Variants in PIK3C2G observed in about 807,000 individuals in gnomAD.
The protein encoded by PIK3C2G is phosphatidylinositol 3-kinase C2 domain-containing subunit gamma.
In PIK3C2G, 168 loss-of-function variants were observed where a neutral mutation model predicts 181.1. The observed-to-expected ratio is 0.93, with a 90% CI of 0.82 to 1.05. The LOEUF (loss-of-function observed/expected upper bound fraction) is 1.05. PIK3C2G is among the 50% of genes least tolerant of loss of function. PIK3C2G has a pLI of 0.00. For missense variants in PIK3C2G, 1,869 were observed against 1,732.8 expected (o/e 1.08, Z -1.40); for synonymous variants, 573 against 592.2 (o/e 0.97, Z 0.47).
the PIK3C2G span, among the ~76,000 whole-genome samples, chr12:18,671,447 A>G: frequency 1.3e-5 from 2 of 152,156 alleles, no homozygotes; most frequent in Admixed American, 1.3e-4. Context: ...CTGCGTCAGC[A>G]TAATGCAGAA....
intron 18 of PIK3C2G, among the ~76,000 whole-genome samples, chr12:18,439,775 T>C (rs1946642979): frequency 6.6e-6 from 1 of 152,122 alleles, no homozygotes; most frequent in Non-Finnish European, 1.5e-5. Flanking sequence ...ACCACGTCAT[T>C]CTCCATATTG....
intron 18 of PIK3C2G, among the ~76,000 whole-genome samples, chr12:18,462,931 T>TA (rs1019295532): frequency 2.0e-5 from 3 of 148,912 alleles, no homozygotes; most frequent in Admixed American, 6.7e-5. Flanking sequence ...ACAAACATTT[T>TA]AAAAAAAATA....
chr12:18,676,244 CT>C, the PIK3C2G span, among the ~76,000 whole-genome samples: 1 of 152,112 alleles, frequency 6.6e-6, no homozygotes, highest in East Asian at 1.9e-4. Flanking sequence ...GGTCAAGCCT[CT>C]TTTGAGACCA....
At chr12:18,725,585 C>T in the PIK3C2G span, among the ~76,000 whole-genome samples, 1 of 152,100 alleles carries the variant, frequency 6.6e-6, no homozygotes. Context: ...TTAAAGTTCT[C>T]ACTGTACCTC....
At chr12:18,533,941 C>CTTTTT (rs542327503) in intron 24 of PIK3C2G, among the ~76,000 whole-genome samples, 230 of 91,490 alleles carry the variant, frequency 2.5e-3, no homozygotes, top group African/African-American at 3.5e-3. Flanking sequence ...CCTGCTATTT[C>CTTTTT]TTTTTTTTTT....
rs377277235 is a variant in PIK3C2G, at chr12:18,505,391, T to G, written c.3253T>G (p.Ser1085Ala). The G allele has an allele frequency of 1.1e-5, 18 of 1,613,448 alleles. No individual in the cohort carries two copies. Among genetic ancestry groups the G allele is most frequent in the Non-Finnish European group, 1.4e-5 (17 of 1,179,672 alleles). ...RHNDNIMLTK[S>A]GHMFHIDFGK... ...CAATGATAATATCATGCTGACAAAG[T>G]CGGGCCACATGTTTCATATTGACTT... Residue 1085 changes from serine to alanine, a missense_variant, in exon 24 of 33, where the codon TCG becomes GCG. By Grantham distance (99) the Ser-to-Ala change is moderately conservative. Transcript: ENST00000538779.
intron 29 of PIK3C2G, among the ~76,000 whole-genome samples, chr12:18,589,772 A>T (rs1390914637): frequency 6.6e-6 from 1 of 152,006 alleles, no homozygotes. Flanking sequence ...GCATTCTCCA[A>T]GGCTAATTGC....
At chr12:18,523,890 A>G (rs547502629) in intron 24 of PIK3C2G, among the ~76,000 whole-genome samples, 102 of 152,172 alleles carry the variant, frequency 6.7e-4, no homozygotes, top group Non-Finnish European at 1.3e-3. Context: ...CCCTGGGAAG[A>G]CTTGTGAGAG....
At chr12:18,599,469 A>G in intron 30 of PIK3C2G, among the ~76,000 whole-genome samples, 1 of 148,962 alleles carries the variant, frequency 6.7e-6, no homozygotes, top group Non-Finnish European at 1.5e-5. Context: ...GGACACAGGA[A>G]GGGGAACATC....
the PIK3C2G span, among the ~76,000 whole-genome samples, chr12:18,703,357 TAAATA>T: frequency 1.4e-4 from 22 of 152,312 alleles, no homozygotes; most frequent in Admixed American, 3.3e-4. Flanking sequence ...TTCACTGATT[TAAATA>T]AAATGTTAAA....
intron 31 of PIK3C2G, among the ~76,000 whole-genome samples, chr12:18,622,699 A>G (rs966294274): frequency 2.0e-5 from 3 of 151,758 alleles, no homozygotes; most frequent in African/African-American, 7.2e-5. Flanking sequence ...CCTTTTCTCC[A>G]CATTCTTGTC....
chr12:18,367,563 AT>A (rs965324930), intron 12 of PIK3C2G, among the ~76,000 whole-genome samples: 2 of 151,484 alleles, frequency 1.3e-5, no homozygotes, highest in Non-Finnish European at 2.9e-5. Flanking sequence ...TTATTTATTT[AT>A]TTTTTTTGAG....
At chr12:18,639,541 A>G (rs1326601888) in intron 31 of PIK3C2G, among the ~76,000 whole-genome samples, 1 of 152,234 alleles carries the variant, frequency 6.6e-6, no homozygotes, top group Admixed American at 6.5e-5. Flanking sequence ...GAGTTTTAGT[A>G]CCATTTACTC....
chr12:18,547,733 T>C (rs1249788410), intron 26 of PIK3C2G, among the ~76,000 whole-genome samples: 1 of 152,008 alleles, frequency 6.6e-6, no homozygotes, highest in African/African-American at 2.4e-5. Flanking sequence ...CAGGTTGTCT[T>C]AGTCTTGAAA....
At chr12:18,430,955 T>G (rs7485384) in intron 18 of PIK3C2G, among the ~76,000 whole-genome samples, 2 of 152,022 alleles carry the variant, frequency 1.3e-5, no homozygotes, top group Non-Finnish European at 2.9e-5. Context: ...ATTTTTTTTT[T>G]AAATAATCTT....
Position 18,562,729 on chromosome 12 carries a change from T to G in PIK3C2G, c.3617T>G (p.Phe1206Cys), listed in dbSNP as rs781402844. The change falls in exon 27 of 33, where the codon TTC becomes TGC. Residue 1206 changes from phenylalanine to cysteine, a missense_variant. By Grantham distance (205) the Phe-to-Cys change is radical. Coordinates refer to ENST00000538779, the MANE Select transcript of PIK3C2G (RefSeq NM_001288772.2). ...TKKIKESLECFPVKLNNLIHT... is the reference protein window; with the variant it reads ...TKKIKESLECCPVKLNNLIHT... ...AAAATAAAGGAAAGTCTGGAGTGTT[T>G]CCCTGTTAAATTGAATAACTTGATC... 5 of 1,601,586 alleles carry G rather than the reference T, an allele frequency of 3.1e-6. No homozygotes were observed. Among genetic ancestry groups the G allele is most frequent in the South Asian group, 2.2e-5 (2 of 88,904 alleles).
intron 5 of PIK3C2G, among the ~76,000 whole-genome samples, chr12:18,304,645 T>C (rs909581706): frequency 6.6e-6 from 1 of 152,204 alleles, no homozygotes; most frequent in Non-Finnish European, 1.5e-5. Flanking sequence ...TAATTACCAG[T>C]GAGAAAAAGG....
chr12:18,371,067 C>A, intron 12 of PIK3C2G, 113 bp from the exon 13 acceptor site: 1 of 797,716 alleles, frequency 1.3e-6, no homozygotes, highest in Non-Finnish European at 1.8e-6. Flanking sequence ...AAGAGGCAGC[C>A]TCAATTCAAA....
At chr12:18,301,414 C>CT (rs1047415984) in intron 5 of PIK3C2G, among the ~76,000 whole-genome samples, 16 of 151,252 alleles carry the variant, frequency 1.1e-4, no homozygotes, top group East Asian at 5.8e-4. Flanking sequence ...TATTGTTTTA[C>CT]TTTTTTTTTG....
Sources: gnomAD v4.1 joint callset for allele counts (sites outside exome capture counted in the v4.1 genomes callset) on GRCh38, gnomAD v4.1.1 for gene constraint, MANE v1.5 for transcripts, NCBI Gene and HGNC (gene_info 2026-07-23, HGNC 2026-07-21) for gene names.